Variants in RHOBTB2 observed in about 807,000 individuals in gnomAD.
RHOBTB2 encodes Rho related BTB domain containing 2, also known as rho-related BTB domain-containing protein 2.
Under a neutral mutation model 66.5 loss-of-function variants are expected in RHOBTB2, and 39 were observed. The observed-to-expected ratio is 0.59, with a 90% CI of 0.45 to 0.77. RHOBTB2 has a LOEUF of 0.77. Ranked by LOEUF, RHOBTB2 falls within the 30% of genes least tolerant of loss-of-function variation. The probability of loss-of-function intolerance (pLI) is 0.00; values close to 1 mark genes in which losing one functional copy is unlikely to be tolerated. For missense variants in RHOBTB2, 755 were observed against 999.1 expected (o/e 0.76, Z 3.29); for synonymous variants, 390 against 395.0 (o/e 0.99, Z 0.15).
the RHOBTB2 span, among the ~76,000 whole-genome samples, chr8:22,973,143 C>T: frequency 1.3e-5 from 2 of 152,220 alleles, no homozygotes; most frequent in African/African-American, 2.4e-5. Context: ...CCTCTAGGGG[C>T]TCTGACCCCA....
In RHOBTB2 at chr8:23,015,712, G is replaced by A. The variant is rs750180677; in HGVS notation, c.1935G>A (p.Lys645=). The part of the protein sequence containing the change: ...ICTNYNNVCR[K]FPRDMKAMSP... ...CCAACTACAACAACGTGTGCCGCAA[G>A]TTCCCCCGAGACATGAAGGCCATGT... The change falls in exon 9 of 10, where the codon AAG becomes AAA. Residue 645 remains lysine, a synonymous_variant. Transcript: ENST00000251822. 2 of 1,613,928 alleles carry A rather than the reference G, an allele frequency of 1.2e-6. No individual in the cohort carries two copies. Among genetic ancestry groups the A allele is most frequent in the South Asian group, 1.1e-5 (1 of 91,058 alleles).
the RHOBTB2 span, among the ~76,000 whole-genome samples, chr8:22,953,055 C>T: frequency 3.9e-5 from 6 of 152,162 alleles, no homozygotes; most frequent in Admixed American, 1.3e-4. Context: ...ATCCCTTCTC[C>T]CCTGATTTTT....
the RHOBTB2 span, among the ~76,000 whole-genome samples, chr8:22,955,617 T>G: frequency 2.0e-5 from 3 of 148,280 alleles, no homozygotes; most frequent in Non-Finnish European, 4.5e-5. Context: ...TCACCCAGGC[T>G]GGAGTACAGT....
chr8:22,984,122 G>T (rs746397330), upstream of RHOBTB2, among the ~76,000 whole-genome samples: 1 of 151,664 alleles, frequency 6.6e-6, no homozygotes, highest in African/African-American at 2.4e-5. Flanking sequence ...GCAAGGCTGA[G>T]TGCAAAAAAA....
the RHOBTB2 span, among the ~76,000 whole-genome samples, chr8:22,954,886 C>G: frequency 2.6e-5 from 4 of 152,208 alleles, no homozygotes; most frequent in Non-Finnish European, 5.9e-5. Context: ...AATCCCAACA[C>G]TTTGGGAGGC....
Position 22,988,506 on chromosome 8 carries a change from C to T in RHOBTB2, c.-137+943C>T, listed in dbSNP as rs530085787. Among the ~76,000 whole-genome samples, 6 of 152,214 alleles carry T rather than the reference C, an allele frequency of 3.9e-5. No homozygotes were observed. The East Asian group carries it at 1.2e-3, about 29-fold the overall frequency. On this transcript the variant is annotated intron_variant, in intron 1 of 11. Transcript: ENST00000519685. ...TACTCACTCCCACGTCCTGGGTGGC[C>T]CATTCATGGCTCCACCCAACTCTGG...
At chr8:22,998,724 CAAAAAAAAAAAA>C (rs555614764), upstream of RHOBTB2, among the ~76,000 whole-genome samples, 5 of 81,310 alleles carry the variant, frequency 6.1e-5, no homozygotes, top group Non-Finnish European at 1.2e-4. Flanking sequence ...GAGGGAGACT[CAAAAAAAAAAAA>C]AAAAAAAAAA....
Position 23,007,719 on chromosome 8 carries a change from G to C in RHOBTB2, c.1474G>C (p.Glu492Gln). 1 of 1,614,044 alleles carries C rather than the reference G, an allele frequency of 6.2e-7. No homozygotes were observed. The highest frequency in any genetic ancestry group is 8.5e-7 in the Non-Finnish European group (1 of 1,179,910). Residue 492 changes from glutamate to glutamine, a missense_variant, in exon 5 of 10, where the codon GAG becomes CAG. Glu to Gln is a conservative substitution (Grantham distance 29). Transcript: ENST00000251822. Reference protein sequence around the residue: ...FHVRRTNRVKECLAKGTFSDV... With the variant: ...FHVRRTNRVKQCLAKGTFSDV... ...CGTCCGCCGGACCAACCGGGTTAAG[G>C]AGTGCTTGGCAAAAGGCACCTTCTC...
At chr8:22,966,075 G>T in the RHOBTB2 span, among the ~76,000 whole-genome samples, 10 of 152,068 alleles carry the variant, frequency 6.6e-5, no homozygotes, top group South Asian at 2.1e-3. Context: ...ACTCAGCTGG[G>T]TGCGGTGGCT....
intron 1 of RHOBTB2, among the ~76,000 whole-genome samples, chr8:23,003,453 T>G (rs1107140): frequency 0.079 from 11,985 of 152,286 alleles, 566 homozygotes; most frequent in South Asian, 0.2. Flanking sequence ...CCATCGCCCA[T>G]GTAGCCAGTT....
upstream of RHOBTB2, among the ~76,000 whole-genome samples, chr8:22,983,348 A>C (rs987420528): frequency 2.6e-5 from 4 of 151,884 alleles, no homozygotes; most frequent in South Asian, 2.1e-4. Context: ...AAAAAAAAAA[A>C]AACAAAAAAG....
intron 1 of RHOBTB2, among the ~76,000 whole-genome samples, chr8:22,991,110 G>A (rs1249671820): frequency 6.6e-6 from 1 of 152,184 alleles, no homozygotes; most frequent in Non-Finnish European, 1.5e-5. Flanking sequence ...TGAGCTCAGA[G>A]GTAGCTGCTA....
intron 2 of RHOBTB2, among the ~76,000 whole-genome samples, chr8:22,992,637 A>C (rs1214667234): frequency 6.6e-6 from 1 of 152,208 alleles, no homozygotes; most frequent in Admixed American, 6.5e-5. Flanking sequence ...CCCTGTCCTG[A>C]GATATCACCA....
chr8:23,016,104 T>G (rs1210935612), intron 9 of RHOBTB2, among the ~76,000 whole-genome samples: 2 of 152,232 alleles, frequency 1.3e-5, no homozygotes, highest in Non-Finnish European at 2.9e-5. Flanking sequence ...GCCCACTAAA[T>G]TGATGGTACA....
chr8:22,954,736 C>G, the RHOBTB2 span, among the ~76,000 whole-genome samples: 1 of 152,088 alleles, frequency 6.6e-6, no homozygotes, highest in Non-Finnish European at 1.5e-5. Context: ...TCTTTAGTAC[C>G]TTAAGGTAGG....
At chr8:22,952,977 A>C in the RHOBTB2 span, among the ~76,000 whole-genome samples, 35 of 152,078 alleles carry the variant, frequency 2.3e-4, no homozygotes, top group Non-Finnish European at 1.5e-5. Context: ...GGGCTACTTG[A>C]GAGATCAAGT....
chr8:22,957,053 C>T, the RHOBTB2 span, among the ~76,000 whole-genome samples: 3 of 152,300 alleles, frequency 2.0e-5, no homozygotes, highest in African/African-American at 7.2e-5. Flanking sequence ...CTTAGTTAGC[C>T]CTAGTCTGTT....
chr8:23,010,637 C>T lies in RHOBTB2; in HGVS notation c.1720C>T (p.Leu574Phe), dbSNP rs369036997. The T allele has an allele frequency of 6.2e-7, 1 of 1,614,198 alleles. No individual in the cohort carries two copies. The highest frequency in any genetic ancestry group is 1.3e-5 in the African/African-American group (1 of 75,054). The change falls in exon 7 of 10, where the codon CTC becomes TTC. Residue 574 changes from leucine to phenylalanine, a missense_variant. Around this residue, in one of 7 missense-constraint regions of RHOBTB2, gnomAD observed 353 missense variants for 458.2 expected, o/e 0.77. Transcript: ENST00000251822. ...TSSPDLDDMK[L>F]IILANRLCLP... ...CAGCCCCGACCTGGATGACATGAAG[C>T]TCATCATTCTAGCCAACCGCCTCTG... is the stretch of plus-strand genomic sequence containing the variant.
upstream of RHOBTB2, chr8:22,999,512 C>A: frequency 9.4e-7 from 1 of 1,068,886 alleles, no homozygotes; most frequent in Middle Eastern, 4.7e-4. Flanking sequence ...TCCCCGCCCC[C>A]CGAACGCTTT....
Sources: allele counts gnomAD v4.1 joint callset (sites outside exome capture counted in the v4.1 genomes callset), GRCh38; gene constraint gnomAD v4.1.1; regional missense constraint gnomAD v4.1.1; transcripts MANE v1.5; gene names NCBI Gene and HGNC (gene_info 2026-07-23, HGNC 2026-07-21).